The following PRDM6 variants were observed in gnomAD, a reference collection of about 807,000 sequenced individuals.
PRDM6 encodes the protein PR/SET domain 6, also known as putative histone-lysine N-methyltransferase PRDM6.
PRDM6 carries 25 observed loss-of-function variants against 60.8 expected under a neutral mutation model. The ratio of observed to expected loss-of-function variants is 0.41; its 90% CI spans 0.30 to 0.57. The LOEUF is 0.57. PRDM6 is among the 20% of genes least tolerant of loss of function. PRDM6 has a pLI of 0.27. For missense variants in PRDM6, 839 were observed against 821.3 expected (o/e 1.02, Z -0.26); for synonymous variants, 407 against 357.4 (o/e 1.14, Z -1.57).
At chr5:123,104,435 C>T (rs58541127) in intron 3 of PRDM6, among the ~76,000 whole-genome samples, 2,865 of 151,858 alleles carry the variant, frequency 0.019, 84 homozygotes, top group African/African-American at 0.065. Flanking sequence ...TAAAAGTTGT[C>T]GCAGTGATAG....
chr5:123,109,963 G>A (rs1033857492), intron 3 of PRDM6, among the ~76,000 whole-genome samples: 3 of 152,172 alleles, frequency 2.0e-5, no homozygotes, highest in Non-Finnish European at 4.4e-5. Context: ...TCAGTGTCCA[G>A]AGTATTGTGA....
chr5:123,156,102 T>A, intron 4 of PRDM6, 91 bp downstream of exon 4: 1 of 1,306,512 alleles, frequency 7.7e-7, no homozygotes, highest in East Asian at 2.6e-5. Flanking sequence ...GTAAAAAAAA[T>A]CCTGCAGAAC....
rs1256944419 is a variant in PRDM6 at position 123,187,765 on chromosome 5, A to G, written c.*564A>G. The G allele has an allele frequency of 6.5e-6, 1 of 152,704 alleles. No homozygotes were observed. The highest frequency in any genetic ancestry group is 2.4e-5 in the African/African-American group (1 of 41,458). The allele number at this position is 152,704 out of a possible 1,614,324, so 9.5% of individuals were successfully genotyped here. A position where few individuals can be genotyped will look rare whatever the true frequency, so the allele number is the denominator to read the frequency against. On this transcript the variant is annotated 3_prime_UTR_variant, in exon 8 of 8. Coordinates refer to ENST00000407847, the MANE Select transcript of PRDM6 (RefSeq NM_001136239.4). The stretch of plus-strand genomic sequence containing the variant: ...GACGCATCCCATTTCCATGTCTTCC[A>G]TGCTCACTGCTCATGCACTTTTTAC...
chr5:123,090,532 T>C lies in PRDM6; in HGVS notation c.518T>C (p.Leu173Pro). The change falls in exon 2 of 8, where the codon CTG (leucine) becomes CCG (proline). Residue 173 changes from leucine (L) to proline (P), a missense_variant. Leu to Pro is a moderately conservative substitution (Grantham distance 98). Coordinates refer to ENST00000407847, the MANE Select transcript of PRDM6 (RefSeq NM_001136239.4). ...CGCTTCCGCTGCAGCGCAGAGGAGCTGGACTATTACCTGTATGGCCAGCAG... is the reference window on the plus strand; with the variant it reads ...CGCTTCCGCTGCAGCGCAGAGGAGCCGGACTATTACCTGTATGGCCAGCAG... ...APRFRCSAEE[L>P]DYYLYGQQRM... The C allele has an allele frequency of 6.6e-7, 1 of 1,514,984 alleles. No homozygotes were observed. The highest frequency in any genetic ancestry group is 1.2e-5 in the South Asian group (1 of 82,708). The allele number at this position is 1,514,984 out of a possible 1,614,324, so 93.8% of individuals were successfully genotyped here. A position where few individuals can be genotyped will look rare whatever the true frequency, so the allele number is the denominator to read the frequency against.
At chr5:123,147,889 A>G (rs1262963628) in intron 3 of PRDM6, among the ~76,000 whole-genome samples, 1 of 152,200 alleles carries the variant, frequency 6.6e-6, no homozygotes, top group Non-Finnish European at 1.5e-5. Context: ...CTTCAGAGAT[A>G]AGTGGAATTC....
intron 6 of PRDM6, among the ~76,000 whole-genome samples, chr5:123,175,790 A>G (rs905647586): frequency 1.3e-5 from 2 of 152,176 alleles, no homozygotes; most frequent in Non-Finnish European, 2.9e-5. Context: ...GCCAAACCAT[A>G]CTTAATTTTG....
At chr5:123,167,414 A>C (rs1315151888) in intron 5 of PRDM6, among the ~76,000 whole-genome samples, 26 of 145,542 alleles carry the variant, frequency 1.8e-4, no homozygotes, top group African/African-American at 6.0e-4. Context: ...TTTGAGACGG[A>C]GTTTCACTCT....
chr5:123,117,797 T>A (rs1342203456), intron 3 of PRDM6, among the ~76,000 whole-genome samples: 1 of 152,252 alleles, frequency 6.6e-6, no homozygotes, highest in Non-Finnish European at 1.5e-5. Flanking sequence ...GCATGTGCAG[T>A]GACTATCATA....
Position 123,135,182 on chromosome 5 carries a change from A to G in PRDM6, c.901-20702A>G, listed in dbSNP as rs574933304. On this transcript the variant is annotated intron_variant, in intron 3 of 7. Transcript: ENST00000407847. The stretch of plus-strand genomic sequence containing the variant: ...GTAAACATATATCAAAGTATTATGA[A>G]AACAATTAAGTGCTACACAAGTGGG... 2.0e-5 allele frequency among the ~76,000 whole-genome samples: 3 copies of G among 152,332 alleles called. No homozygotes were observed. The East Asian group carries it at 5.8e-4, about 29-fold the overall frequency.
intron 3 of PRDM6, among the ~76,000 whole-genome samples, chr5:123,112,450 C>G (rs1358738650): frequency 1.3e-5 from 2 of 152,214 alleles, no homozygotes. Flanking sequence ...TTTCCCTCCT[C>G]GGCTTCCCAT....
At chr5:123,110,777 G>C (rs1764295188) in intron 3 of PRDM6, among the ~76,000 whole-genome samples, 1 of 151,936 alleles carries the variant, frequency 6.6e-6, no homozygotes, top group Non-Finnish European at 1.5e-5. Flanking sequence ...TGTTGGTCAG[G>C]ATGGTCTCGA....
rs992095746 is a variant in PRDM6 at position 123,193,138 on chromosome 5, A to G, written c.*5937A>G. ...TCCAGATTCTGATTCTAATGGGCAC[A>G]TTTGTTTGTTGAAATGATAAATATA... is the stretch of plus-strand genomic sequence containing the variant. On this transcript the variant is annotated 3_prime_UTR_variant, in exon 8 of 8. Coordinates refer to ENST00000407847, the MANE Select transcript of PRDM6 (RefSeq NM_001136239.4). The G allele has an allele frequency of 1.3e-5, 2 of 152,230 alleles. No homozygotes were observed. The highest frequency in any genetic ancestry group is 2.9e-5 in the Non-Finnish European group (2 of 68,040). 9.4% of individuals were successfully genotyped at this position (152,230 alleles called of 1,614,324 possible). A position where few individuals can be genotyped will look rare whatever the true frequency, so the allele number is the denominator to read the frequency against.
At chr5:123,127,109 C>T (rs1329687165) in intron 3 of PRDM6, among the ~76,000 whole-genome samples, 1 of 151,636 alleles carries the variant, frequency 6.6e-6, no homozygotes, top group Non-Finnish European at 1.5e-5. Context: ...GTGATCTTTG[C>T]TCTCTGCAAC....
intron 3 of PRDM6, among the ~76,000 whole-genome samples, chr5:123,105,572 A>G (rs1479632338): frequency 1.3e-5 from 2 of 152,228 alleles, no homozygotes; most frequent in Non-Finnish European, 2.9e-5. Flanking sequence ...TATGCCTACA[A>G]TATCAAAGTC....
chr5:123,123,762 C>T (rs1290760255), intron 3 of PRDM6, among the ~76,000 whole-genome samples: 1 of 152,188 alleles, frequency 6.6e-6, no homozygotes, highest in Non-Finnish European at 1.5e-5. Flanking sequence ...TTGATACAAA[C>T]CCTTAGATGT....
chr5:123,152,389 C>T (rs1765388244), intron 3 of PRDM6, among the ~76,000 whole-genome samples: 1 of 152,202 alleles, frequency 6.6e-6, no homozygotes, highest in Middle Eastern at 3.4e-3. Flanking sequence ...ATCGAGGACC[C>T]ATCTTTTGAT....
chr5:123,161,334 C>G (rs1765626164), intron 5 of PRDM6, among the ~76,000 whole-genome samples: 1 of 152,224 alleles, frequency 6.6e-6, no homozygotes, highest in South Asian at 2.1e-4. Flanking sequence ...AATCCCTGCC[C>G]TCATGGAGCT....
At chr5:123,170,631 TTGTTA>T in intron 5 of PRDM6, 130 bp from the exon 6 acceptor site, 1 of 681,632 alleles carries the variant, frequency 1.5e-6, no homozygotes, top group Non-Finnish European at 2.5e-6. Context: ...ATCAGATGGT[TTGTTA>T]TGTTAATTCT....
Position 123,177,604 on chromosome 5 carries a change from G to A in PRDM6, c.1497-2543G>A, listed in dbSNP as rs1766046352. ...GCATTTAAATTTTCCATATTCCAAT[G>A]AGCATGTACACACACACACAACCAT... On this transcript the variant is annotated intron_variant, in intron 6 of 7. Transcript: ENST00000407847. 2.6e-5 allele frequency among the ~76,000 whole-genome samples: 4 copies of A among 152,230 alleles called. No homozygotes were observed. The South Asian group carries it at 8.3e-4, about 32-fold the overall frequency.
Sources: gnomAD v4.1 joint callset for allele counts (sites outside exome capture counted in the v4.1 genomes callset) on GRCh38, gnomAD v4.1.1 for gene constraint, MANE v1.5 for transcripts, NCBI Gene and HGNC (gene_info 2026-07-23, HGNC 2026-07-21) for gene names.